Variants in CCDC70 observed in about 807,000 individuals in gnomAD.
CCDC70 encodes coiled-coil domain-containing protein 70.
CCDC70 carries 4 observed loss-of-function variants against 9.1 expected under a neutral mutation model. The observed-to-expected ratio is 0.44, with a 90% CI of 0.22 to 1.00. The LOEUF is 1.00. Ranked by LOEUF, CCDC70 falls within the 50% of genes least tolerant of loss-of-function variation. The pLI is 0.25. For synonymous variants in CCDC70, 119 were observed against 94.0 expected (o/e 1.27, Z -1.54); for missense variants, 308 against 271.3 (o/e 1.14, Z -0.95).
intron 1 of CCDC70, among the ~76,000 whole-genome samples, chr13:51,864,439 G>C (rs936689044): frequency 4.6e-5 from 7 of 152,162 alleles, no homozygotes; most frequent in African/African-American, 1.4e-4. Context: ...TGTTCCCCTA[G>C]ACAATGGCAT....
Position 51,865,517 on chromosome 13 carries a change from G to C in CCDC70, c.106G>C (p.Glu36Gln). 1.9e-6 allele frequency: 3 copies of C among 1,614,216 alleles called. No homozygotes were observed. The highest frequency in any genetic ancestry group is 2.5e-6 in the Non-Finnish European group (3 of 1,180,044). Residue 36 changes from glutamate to glutamine, a missense_variant, in exon 2 of 2, where the codon GAG becomes CAG. By Grantham distance (29) the Glu-to-Gln change is conservative (BLOSUM62 2). Coordinates refer to ENST00000242819, the MANE Select transcript of CCDC70 (RefSeq NM_031290.4). ...GAAGAAACTAATGCACAAGCTGCAG[G>C]AGGAAAAGGCTTTTCGCGAAGAGAT... ...RQKKLMHKLQ[E>Q]EKAFREEMKI... is the part of the protein sequence containing the mutation.
In CCDC70 at chr13:51,863,810, T is replaced by C. The variant is rs557856248; in HGVS notation, c.-80-1522T>C. 9.2e-5 allele frequency among the ~76,000 whole-genome samples: 14 copies of C among 152,174 alleles called. No individual in the cohort carries two copies. The East Asian group carries it at 1.9e-3, about 21-fold the overall frequency. The stretch of plus-strand genomic sequence containing the variant: ...AAATTTCCCCAATAGGTCTCACGGA[T>C]GATGGGTTGGTGAGATCCACTGAGT... On this transcript the variant is annotated intron_variant, in intron 1 of 1. Coordinates refer to ENST00000242819, the MANE Select transcript of CCDC70 (RefSeq NM_031290.4).
intron 1 of CCDC70, among the ~76,000 whole-genome samples, chr13:51,863,423 C>T (rs1468012220): frequency 6.6e-6 from 1 of 152,074 alleles, no homozygotes; most frequent in Non-Finnish European, 1.5e-5. Context: ...CAGAGAGCAG[C>T]GAGACTGTTA....
At chr13:51,865,280 C>T (rs1209141769) in intron 1 of CCDC70, 52 bp from the exon 2 acceptor site, 13 of 940,184 alleles carry the variant, frequency 1.4e-5, no homozygotes, top group African/African-American at 3.3e-5. Context: ...AACCAAGGGC[C>T]GTCCCCTGGC....
At position 51,865,771 on chromosome 13, in the gene CCDC70, G is replaced by C. The variant is rs542430177; in HGVS notation, c.360G>C (p.Glu120Asp). The C allele has an allele frequency of 6.2e-7, 1 of 1,614,168 alleles. No homozygotes were observed. Among genetic ancestry groups the C allele is most frequent in the African/African-American group, 1.3e-5 (1 of 75,036 alleles). ...AAAAGTACCGCACTTTCTGGAAGGAGGATAAGGCCTTCTGGAAAGAGGACA... is the reference window on the plus strand; with the variant it reads ...AAAAGTACCGCACTTTCTGGAAGGACGATAAGGCCTTCTGGAAAGAGGACA... ...FWKKYRTFWK[E>D]DKAFWKEDNA... Residue 120 changes from glutamate to aspartate, a missense_variant, in exon 2 of 2, where the codon GAG (glutamate) becomes GAC (aspartate). Glu to Asp is a conservative substitution (Grantham distance 45). Transcript: ENST00000242819.
intron 1 of CCDC70, among the ~76,000 whole-genome samples, chr13:51,863,246 A>C (rs1956394454): frequency 6.6e-6 from 1 of 152,226 alleles, no homozygotes; most frequent in African/African-American, 2.4e-5. Flanking sequence ...GAGAGGGAGA[A>C]GCAAGCTGGA....
At position 51,865,478 on chromosome 13, in the gene CCDC70, C is replaced by T. The variant is rs1956413777; in HGVS notation, c.67C>T (p.Pro23Ser). The T allele has an allele frequency of 5.6e-6, 9 of 1,614,218 alleles. No individual in the cohort carries two copies. Among genetic ancestry groups the T allele is most frequent in the Non-Finnish European group, 7.6e-6 (9 of 1,180,054 alleles). The change falls in exon 2 of 2, where the codon CCC becomes TCC. Residue 23 changes from proline to serine, a missense_variant. Physicochemically the swap from Pro to Ser is moderately conservative, Grantham distance 74. Coordinates refer to ENST00000242819, the MANE Select transcript of CCDC70 (RefSeq NM_031290.4). ...ACFRSLAASS[P>S]SIRQKKLMHK... ...CTTCCGGTCCCTGGCGGCATCCTCT[C>T]CCAGTATTCGCCAGAAGAAACTAAT...
rs757709111 is a variant in CCDC70, at chr13:51,865,775, A to G, written c.364A>G (p.Lys122Glu). 6.2e-6 allele frequency: 10 copies of G among 1,614,182 alleles called. No individual in the cohort carries two copies. The highest frequency in any genetic ancestry group is 8.5e-6 in the Non-Finnish European group (10 of 1,180,018). ...KKYRTFWKED[K>E]AFWKEDNALW... ...GTACCGCACTTTCTGGAAGGAGGAT[A>G]AGGCCTTCTGGAAAGAGGACAATGC... The change falls in exon 2 of 2, where the codon AAG (lysine) becomes GAG (glutamate). Residue 122 changes from lysine (K) to glutamate (E), a missense_variant. By Grantham distance (56) the Lys-to-Glu change is moderately conservative. Coordinates refer to ENST00000242819, the MANE Select transcript of CCDC70 (RefSeq NM_031290.4).
intron 1 of CCDC70, among the ~76,000 whole-genome samples, chr13:51,865,086 C>T (rs1387517220): frequency 6.6e-6 from 1 of 152,232 alleles, no homozygotes; most frequent in Non-Finnish European, 1.5e-5. Flanking sequence ...CCCTAGTTGA[C>T]AGCCACTGTC....
chr13:51,866,013 T>C lies in CCDC70; in HGVS notation c.602T>C (p.Leu201Pro), dbSNP rs1269370189. The C allele has an allele frequency of 6.2e-7, 1 of 1,611,706 alleles. No homozygotes were observed. Among genetic ancestry groups the C allele is most frequent in the South Asian group, 1.1e-5 (1 of 90,872 alleles). ...GGCCACATTGCCGGAGAGCAGATGC[T>C]CGAAGATGGGCCCCACAACGCCAAC... ...NNGHIAGEQMLEDGPHNANRG... is the reference protein window; with the variant it reads ...NNGHIAGEQMPEDGPHNANRG... The change falls in exon 2 of 2, where the codon CTC (leucine) becomes CCC (proline). Residue 201 changes from leucine to proline, a missense_variant. Physicochemically the swap from Leu to Pro is moderately conservative, Grantham distance 98. Transcript: ENST00000242819.
intron 1 of CCDC70, among the ~76,000 whole-genome samples, chr13:51,864,047 G>A (rs1956401506): frequency 6.6e-6 from 1 of 152,096 alleles, no homozygotes; most frequent in Non-Finnish European, 1.5e-5. Context: ...TCAGATATAT[G>A]GCAATGTTTG....
chr13:51,865,363 G>C lies in CCDC70; in HGVS notation c.-49G>C. On this transcript the variant is annotated 5_prime_UTR_variant, in exon 2 of 2. Coordinates refer to ENST00000242819, the MANE Select transcript of CCDC70 (RefSeq NM_031290.4). The stretch of plus-strand genomic sequence containing the variant: ...ACCAGCCGACCTGGACCTGGCCAAG[G>C]GTCCTGTCATCCCTCATGGCCACCC... The C allele has an allele frequency of 1.3e-6, 2 of 1,562,836 alleles. No individual in the cohort carries two copies. Among genetic ancestry groups the C allele is most frequent in the Admixed American group, 3.8e-5 (2 of 52,558 alleles).
chr13:51,863,304 G>T (rs1956395013), intron 1 of CCDC70, among the ~76,000 whole-genome samples: 1 of 152,208 alleles, frequency 6.6e-6, no homozygotes, highest in Admixed American at 6.5e-5. Context: ...TGATCTTTGG[G>T]CTACAGGGTC....
At chr13:51,863,295 G>T (rs761646561) in intron 1 of CCDC70, among the ~76,000 whole-genome samples, 1 of 152,220 alleles carries the variant, frequency 6.6e-6, no homozygotes, top group Non-Finnish European at 1.5e-5. Context: ...GTTCAGCTTT[G>T]ATCTTTGGGC....
chr13:51,865,807 G>A lies in CCDC70; in HGVS notation c.396G>A (p.Trp132Ter). 4 of 1,614,214 alleles carry A rather than the reference G, an allele frequency of 2.5e-6. No individual in the cohort carries two copies. The South Asian group carries it at 4.4e-5, about 18-fold the overall frequency. Reference sequence around the variant, plus strand: ...TCTGGAAAGAGGACAATGCCTTATGGGAAAGAGACCGGAACCTTCTTCAGG... The same window carrying A: ...TCTGGAAAGAGGACAATGCCTTATGAGAAAGAGACCGGAACCTTCTTCAGG... ...KAFWKEDNAL[W>*]ERDRNLLQED... Residue 132 changes from tryptophan to a stop codon, truncating the protein, a stop_gained, in exon 2 of 2, where the codon TGG (tryptophan) becomes TGA (stop). Transcript: ENST00000242819. LOFTEE classifies it low-confidence loss of function (END_TRUNC).
At chr13:51,862,585 G>C (rs560355779) in intron 1 of CCDC70, among the ~76,000 whole-genome samples, 1 of 152,110 alleles carries the variant, frequency 6.6e-6, no homozygotes, top group Non-Finnish European at 1.5e-5. Context: ...AGAACATTTC[G>C]CTGGATGCCA....
rs1232655973 is a variant in CCDC70, at chr13:51,865,841, G to T, written c.430G>T (p.Ala144Ser). 1 of 1,613,930 alleles carries T rather than the reference G, an allele frequency of 6.2e-7. No individual in the cohort carries two copies. The highest frequency in any genetic ancestry group is 8.5e-7 in the Non-Finnish European group (1 of 1,180,014). ...RDRNLLQEDK[A>S]LWEEEKALWV... ...CCGGAACCTTCTTCAGGAGGACAAG[G>T]CCCTGTGGGAGGAAGAAAAGGCCCT... The change falls in exon 2 of 2, where the codon GCC becomes TCC. Residue 144 changes from alanine (A) to serine (S), a missense_variant. Ala to Ser is a moderately conservative substitution (Grantham distance 99). Coordinates refer to ENST00000242819, the MANE Select transcript of CCDC70 (RefSeq NM_031290.4).
At chr13:51,863,925 T>G (rs545141251) in intron 1 of CCDC70, among the ~76,000 whole-genome samples, 1 of 152,306 alleles carries the variant, frequency 6.6e-6, no homozygotes, top group African/African-American at 2.4e-5. Context: ...CTGACAACAC[T>G]GAGCTCTTTA....
At position 51,865,520 on chromosome 13, in the gene CCDC70, G is replaced by A. The variant is rs746617980; in HGVS notation, c.109G>A (p.Glu37Lys). Residue 37 changes from glutamate to lysine, a missense_variant, in exon 2 of 2, where the codon GAA becomes AAA. Transcript: ENST00000242819. The stretch of plus-strand genomic sequence containing the variant: ...GAAACTAATGCACAAGCTGCAGGAG[G>A]AAAAGGCTTTTCGCGAAGAGATGAA... ...QKKLMHKLQE[E>K]KAFREEMKIF... The A allele has an allele frequency of 1.1e-5, 17 of 1,614,100 alleles. No individual in the cohort carries two copies. Among genetic ancestry groups the A allele is most frequent in the Non-Finnish European group, 1.4e-5 (16 of 1,180,046 alleles).
Sources: gnomAD v4.1 joint callset for allele counts (sites outside exome capture counted in the v4.1 genomes callset) on GRCh38, gnomAD v4.1.1 for gene constraint, MANE v1.5 for transcripts, NCBI Gene and HGNC (gene_info 2026-07-23, HGNC 2026-07-21) for gene names.